The following KCNH3 variants were observed in gnomAD, a reference collection of about 807,000 sequenced individuals.
KCNH3 encodes the protein potassium voltage-gated channel subfamily H member 3.
KCNH3 carries 36 observed loss-of-function variants against 95.6 expected under a neutral mutation model. The observed-to-expected ratio is 0.38, with a 90% CI of 0.29 to 0.50. KCNH3 has a LOEUF of 0.50. KCNH3 is among the 20% of genes least tolerant of loss of function. The pLI is 0.95. For synonymous variants in KCNH3, 620 were observed against 646.3 expected (o/e 0.96, Z 0.62); for missense variants, 1,030 against 1,484.1 (o/e 0.69, Z 5.03).
rs1162708476 is a variant in KCNH3, at chr12:49,539,544, G to A, written c.76+52G>A. ...CCCGGGCCGCCGGACCCTCGCCAGGGCTCCCGCCTTCCCCGAACCCCCAGC... is the reference window on the plus strand; with the variant it reads ...CCCGGGCCGCCGGACCCTCGCCAGGACTCCCGCCTTCCCCGAACCCCCAGC... On this transcript the variant is annotated intron_variant, in intron 1 of 14. Transcript: ENST00000257981. This position sits in a 1 kb window ranked among gnomAD's most constrained non-coding sequence, Gnocchi z 6.7. 2 of 1,503,916 alleles carry A rather than the reference G, an allele frequency of 1.3e-6. No individual in the cohort carries two copies. The highest frequency in any genetic ancestry group is 9.0e-7 in the Non-Finnish European group (1 of 1,105,848). 93.2% of individuals were successfully genotyped at this position (1,503,916 alleles called of 1,614,324 possible).
Position 49,554,559 on chromosome 12 carries a change from GTGTGCTGAGTA to G in KCNH3, c.2136+12_2136+22del, listed in dbSNP as rs1479751455. The stretch of plus-strand genomic sequence containing the variant: ...GCTGGGGGAGGCTCTGCAGAGGTGA[GTGTGCTGAGTA>G]TGTGCTTGGAGGGGATGGGGGTGCC... On this transcript the variant is annotated splice_donor_region_variant and intron_variant, in intron 11 of 14. Transcript: ENST00000257981. The G allele has an allele frequency of 8.1e-6, 13 of 1,608,166 alleles. No individual in the cohort carries two copies. The highest frequency in any genetic ancestry group is 1.1e-5 in the Non-Finnish European group (13 of 1,176,136).
Position 49,539,325 on chromosome 12 carries a change from G to A in KCNH3, c.-92G>A. 1.4e-6 allele frequency: 1 copy of A among 709,326 alleles called. No homozygotes were observed. The highest frequency in any genetic ancestry group is 2.0e-6 in the Non-Finnish European group (1 of 506,328). 43.9% of individuals were successfully genotyped at this position (709,326 alleles called of 1,614,324 possible). ...CGACGGCTGCGCTAGGGAGCGCGGG[G>A]CCCGGCGGGGGGCGGCCGAGCTGGG... On this transcript the variant is annotated 5_prime_UTR_variant, in exon 1 of 15. Coordinates refer to ENST00000257981, the MANE Select transcript of KCNH3 (RefSeq NM_012284.3). The surrounding 1 kb of genome is among the most constrained non-coding windows in gnomAD (Gnocchi z 6.7).
chr12:49,547,812 C>G (rs1255057607), intron 7 of KCNH3, among the ~76,000 whole-genome samples: 1 of 152,080 alleles, frequency 6.6e-6, no homozygotes, highest in Non-Finnish European at 1.5e-5. Context: ...AAGCCACAGC[C>G]ACACATACCC....
chr12:49,539,481 T>A lies in KCNH3; in HGVS notation c.65T>A (p.Phe22Tyr). ...TTCCTGGACACCATCGCTACGCGCT[T>A]CGACGGCACGCGTGAGTCCGACCCT... ...NTFLDTIATR[F>Y]DGTHSNFVLG... The change falls in exon 1 of 15, where the codon TTC becomes TAC. Residue 22 changes from phenylalanine (F) to tyrosine (Y), a missense_variant. Phe to Tyr is a conservative substitution (Grantham distance 22, BLOSUM62 3). Coordinates refer to ENST00000257981, the MANE Select transcript of KCNH3 (RefSeq NM_012284.3). This position sits in a 1 kb window ranked among gnomAD's most constrained non-coding sequence, Gnocchi z 6.7. 3 of 1,588,668 alleles carry A rather than the reference T, an allele frequency of 1.9e-6. No individual in the cohort carries two copies. Among genetic ancestry groups the A allele is most frequent in the Non-Finnish European group, 2.6e-6 (3 of 1,169,460 alleles).
At chr12:49,554,804 G>GAAGGTAGAA (rs1187627167) in intron 11 of KCNH3, among the ~76,000 whole-genome samples, 1 of 152,204 alleles carries the variant, frequency 6.6e-6, no homozygotes, top group Non-Finnish European at 1.5e-5. Context: ...GAATCTTAGT[G>GAAGGTAGAA]AAGGTAGATG....
chr12:49,549,976 C>T, intron 9 of KCNH3, 104 bp from the exon 10 acceptor site: 1 of 1,270,560 alleles, frequency 7.9e-7, no homozygotes, highest in Non-Finnish European at 1.1e-6. Flanking sequence ...CCTCCCATGC[C>T]TCCCCTGTTC....
Position 49,554,536 on chromosome 12 carries a change from TG to T in KCNH3, c.2123del (p.Gly708GlufsTer11), listed in dbSNP as rs1229306184. 1 of 1,612,906 alleles carries T rather than the reference TG, an allele frequency of 6.2e-7. No homozygotes were observed. ...RGELSYNLGA[G>X]GGSAEVDTSS... Reference sequence around the variant, plus strand: ...GGGAGCTCAGCTACAACCTGGGTGCTGGGGGAGGCTCTGCAGAGGTGAGTGT... The same window carrying T: ...GGGAGCTCAGCTACAACCTGGGTGCTGGGGAGGCTCTGCAGAGGTGAGTGT... On this transcript the variant is annotated frameshift_variant, in exon 11 of 15. Coordinates refer to ENST00000257981, the MANE Select transcript of KCNH3 (RefSeq NM_012284.3). LOFTEE classifies it high-confidence loss of function.
Position 49,540,493 on chromosome 12 carries a change from A to C in KCNH3, c.77-406A>C, listed in dbSNP as rs191209554. ...GGTGTGTCTCAGTGGGAGAAGCCAG[A>C]CAGCCAACCTGGGTACCTGGCTAGT... On this transcript the variant is annotated intron_variant, in intron 1 of 14. Coordinates refer to ENST00000257981, the MANE Select transcript of KCNH3 (RefSeq NM_012284.3). Among the ~76,000 whole-genome samples the C allele has an allele frequency of 1.1e-4, 17 of 152,298 alleles. No homozygotes were observed. In the East Asian group the frequency reaches 3.1e-3, roughly 28 times the overall value.
intron 13 of KCNH3, among the ~76,000 whole-genome samples, chr12:49,556,918 G>A (rs1170244117): frequency 2.6e-5 from 4 of 152,312 alleles, no homozygotes; most frequent in South Asian, 4.1e-4. Context: ...TTTGCCTGGA[G>A]GACAGAGCAA....
Position 49,540,693 on chromosome 12 carries a change from C to T in KCNH3, c.77-206C>T, listed in dbSNP as rs1365153356. ...CCGACCTCAGTTCACATGTGCTGAT[C>T]CTTGAATGTACTCACACCTGCTGCA... On this transcript the variant is annotated intron_variant, in intron 1 of 14. Transcript: ENST00000257981. Among the ~76,000 whole-genome samples the T allele has an allele frequency of 2.6e-5, 4 of 152,266 alleles. No individual in the cohort carries two copies. In the East Asian group the frequency reaches 5.8e-4, roughly 22 times the overall value.
rs750226258 is a variant in KCNH3 at position 49,557,797 on chromosome 12, T to C, written c.3096T>C (p.Pro1032=). 1.3e-5 allele frequency: 21 copies of C among 1,605,882 alleles called. No individual in the cohort carries two copies. In the East Asian group the frequency reaches 3.1e-4, roughly 24 times the overall value. ...GGGCTAGGACTGGGCCCGCAGAGCC[T>C]GTGAGCCAGGCTGAGGCTACCAGCA... The part of the protein sequence containing the change: ...EEGARTGPAE[P]VSQAEATSTG... Residue 1032 remains proline, a synonymous_variant, in exon 15 of 15, where the codon CCT becomes CCC. Transcript: ENST00000257981.
intron 7 of KCNH3, among the ~76,000 whole-genome samples, chr12:49,545,228 G>A (rs372622091): frequency 1.7e-4 from 26 of 151,814 alleles, no homozygotes; most frequent in African/African-American, 6.3e-4. Context: ...CACTGACACC[G>A]AGTGAGCATC....
At chr12:49,555,482 C>A (rs544604938) in intron 11 of KCNH3, 138 bp from the exon 12 acceptor site, 124 of 489,578 alleles carry the variant, frequency 2.5e-4, no homozygotes, top group African/African-American at 2.2e-3. Context: ...ATCTATAGGA[C>A]CTTCAGTTAG....
At chr12:49,551,992 A>G (rs2138159581) in intron 10 of KCNH3, among the ~76,000 whole-genome samples, 1 of 152,362 alleles carries the variant, frequency 6.6e-6, no homozygotes, top group African/African-American at 2.4e-5. Context: ...GAGTGGGGAC[A>G]GGCTGTTCAC....
At chr12:49,556,649 A>G (rs1321021911) in intron 13 of KCNH3, 173 bp downstream of exon 13, 1 of 704,076 alleles carries the variant, frequency 1.4e-6, no homozygotes, top group East Asian at 2.7e-5. Context: ...GGTGGTGAAG[A>G]CCAGCACTTT....
intron 7 of KCNH3, among the ~76,000 whole-genome samples, chr12:49,548,595 T>C (rs1425078568): frequency 6.6e-6 from 1 of 152,150 alleles, no homozygotes; most frequent in African/African-American, 2.4e-5. Context: ...ACCCCAGTCC[T>C]TTTGCCCACG....
At chr12:49,543,821 G>A (rs970151402) in intron 5 of KCNH3, 94 bp from the exon 6 acceptor site, 1 of 1,482,048 alleles carries the variant, frequency 6.7e-7, no homozygotes, top group Non-Finnish European at 9.3e-7. Context: ...AAGGGCCGGG[G>A]ACAGTGTCAA....
rs1937798255 is a variant in KCNH3 at position 49,539,563 on chromosome 12, C to G, written c.76+71C>G. 2.1e-5 allele frequency: 28 copies of G among 1,358,558 alleles called. No homozygotes were observed. Among genetic ancestry groups the G allele is most frequent in the Non-Finnish European group, 2.8e-5 (28 of 983,226 alleles). The allele number at this position is 1,358,558 out of a possible 1,614,324, so 84.2% of individuals were successfully genotyped here. A position where few individuals can be genotyped will look rare whatever the true frequency, so the allele number is the denominator to read the frequency against. ...GCCAGGGCTCCCGCCTTCCCCGAACCCCCAGCAGCCCAGCTTGGCGCCAGC... is the reference window on the plus strand; with the variant it reads ...GCCAGGGCTCCCGCCTTCCCCGAACGCCCAGCAGCCCAGCTTGGCGCCAGC... On this transcript the variant is annotated intron_variant, in intron 1 of 14. Transcript: ENST00000257981. The surrounding 1 kb of genome is among the most constrained non-coding windows in gnomAD (Gnocchi z 6.7).
At chr12:49,544,144 C>CAGCCCA in intron 6 of KCNH3, 31 bp from the exon 7 acceptor site, 2 of 1,493,172 alleles carry the variant, frequency 1.3e-6, no homozygotes, top group Non-Finnish European at 1.8e-6. Context: ...GCTGACCTCC[C>CAGCCCA]TCCCTCCCTC....
Sources: gnomAD v4.1 joint callset for allele counts (sites outside exome capture counted in the v4.1 genomes callset) on GRCh38, gnomAD v4.1.1 for gene constraint, Gnocchi (gnomAD v3.1) non-coding constraint, MANE v1.5 for transcripts, NCBI Gene and HGNC (gene_info 2026-07-23, HGNC 2026-07-21) for gene names.